Variants in PPP2R2C observed in about 807,000 individuals in gnomAD.
The protein encoded by PPP2R2C is protein phosphatase 2 regulatory subunit Bgamma.
In PPP2R2C, 10 loss-of-function variants were observed where a neutral mutation model predicts 45.3. The ratio of observed to expected loss-of-function variants is 0.22; its 90% confidence interval spans 0.14 to 0.37. PPP2R2C has a LOEUF of 0.37. Ranked by LOEUF, PPP2R2C falls within the 10% of genes least tolerant of loss-of-function variation. The probability of loss-of-function intolerance (pLI) is 1.00; values close to 1 mark genes in which losing one functional copy is unlikely to be tolerated. For missense variants in PPP2R2C, 308 were observed against 619.7 expected (o/e 0.50, Z 5.34); for synonymous variants, 257 against 245.4 (o/e 1.05, Z -0.44).
At chr4:6,398,682 G>C (rs566923224) in intron 1 of PPP2R2C, among the ~76,000 whole-genome samples, 2 of 152,332 alleles carry the variant, frequency 1.3e-5, no homozygotes, top group East Asian at 3.9e-4. Flanking sequence ...GTGGGAAACA[G>C]CAAGGCAGTT....
At chr4:6,355,417 TA>T (rs1298025492) in intron 5 of PPP2R2C, among the ~76,000 whole-genome samples, 3 of 152,076 alleles carry the variant, frequency 2.0e-5, no homozygotes, top group Non-Finnish European at 4.4e-5. Flanking sequence ...GACCTAATGC[TA>T]GATGACGAGT....
intron 6 of PPP2R2C, among the ~76,000 whole-genome samples, chr4:6,337,100 G>A (rs1356882811): frequency 6.3e-5 from 4 of 63,276 alleles, no homozygotes; most frequent in African/African-American, 2.7e-4. Context: ...CTTTGTTTCT[G>A]TATGTGTGTG....
intron 1 of PPP2R2C, among the ~76,000 whole-genome samples, chr4:6,457,854 C>T (rs1270557604): frequency 1.3e-5 from 2 of 152,234 alleles, no homozygotes; most frequent in African/African-American, 2.4e-5. Context: ...CCTTTCTATG[C>T]TTTGCAGAAT....
In PPP2R2C at chr4:6,378,274, C is replaced by G; in HGVS notation, c.334+133G>C. 1 of 1,521,506 alleles carries G rather than the reference C, an allele frequency of 6.6e-7. No homozygotes were observed. Among genetic ancestry groups the G allele is most frequent in the Non-Finnish European group, 8.8e-7 (1 of 1,136,364 alleles). The allele number at this position is 1,521,506 out of a possible 1,614,324, so 94.3% of individuals were successfully genotyped here. A position where few individuals can be genotyped will look rare whatever the true frequency, so the allele number is the denominator to read the frequency against. On this transcript the variant is annotated intron_variant, in intron 3 of 8. Coordinates refer to ENST00000382599, the MANE Select transcript of PPP2R2C (RefSeq NM_020416.4). The surrounding 1 kb of genome is among the most constrained non-coding windows in gnomAD (Gnocchi z 5.2). ...TCACTCATGGGATTTATATGCTGCT[C>G]AAAAAGGATATTATTTTCTAGGCGT...
intron 1 of PPP2R2C, among the ~76,000 whole-genome samples, chr4:6,540,105 A>C (rs1724761906): frequency 6.6e-6 from 1 of 152,192 alleles, no homozygotes; most frequent in Non-Finnish European, 1.5e-5. Context: ...TACTTTTATA[A>C]AGTGTACAAT....
rs946708086 is a variant in PPP2R2C, at chr4:6,378,889, C to T, written c.169-317G>A. Among the ~76,000 whole-genome samples the T allele has an allele frequency of 6.6e-6, 1 of 151,718 alleles. No homozygotes were observed. The highest frequency in any genetic ancestry group is 2.4e-5 in the African/African-American group (1 of 41,280). ...TCCCCGCACCATCGCATTCTACCCTCCAGGCCTCCTCTGCTTGAGCACCAC... is the reference window on the plus strand; with the variant it reads ...TCCCCGCACCATCGCATTCTACCCTTCAGGCCTCCTCTGCTTGAGCACCAC... On this transcript the variant is annotated intron_variant, in intron 2 of 8. Coordinates refer to ENST00000382599, the MANE Select transcript of PPP2R2C (RefSeq NM_020416.4). This position sits in a 1 kb window ranked among gnomAD's most constrained non-coding sequence, Gnocchi z 5.2.
intron 1 of PPP2R2C, among the ~76,000 whole-genome samples, chr4:6,462,076 G>C (rs1019230661): frequency 2.0e-5 from 3 of 152,206 alleles, no homozygotes; most frequent in African/African-American, 7.2e-5. Flanking sequence ...AGGGAGTGGC[G>C]AGGGCACCAC....
At chr4:6,394,873 C>T (rs897557605) in intron 1 of PPP2R2C, among the ~76,000 whole-genome samples, 4 of 152,240 alleles carry the variant, frequency 2.6e-5, no homozygotes, top group African/African-American at 9.6e-5. Flanking sequence ...GCGTGTCCAT[C>T]AGCCCCCTTC....
intron 2 of PPP2R2C, among the ~76,000 whole-genome samples, chr4:6,487,492 C>A (rs947026938): frequency 2.6e-5 from 4 of 151,836 alleles, no homozygotes; most frequent in South Asian, 2.1e-4. Context: ...AGTTTGACTA[C>A]TTTTTTTTAA....
At chr4:6,437,510 C>G (rs1276111171) in intron 1 of PPP2R2C, among the ~76,000 whole-genome samples, 1 of 152,186 alleles carries the variant, frequency 6.6e-6, no homozygotes, top group African/African-American at 2.4e-5. Flanking sequence ...GAGCTCTTAT[C>G]AAATGTCACC....
chr4:6,464,087 C>T (rs963999287), intron 1 of PPP2R2C, among the ~76,000 whole-genome samples: 2 of 152,198 alleles, frequency 1.3e-5, no homozygotes, highest in African/African-American at 4.8e-5. Context: ...ACAAGCACCT[C>T]AGCCTCAGTT....
At chr4:6,339,169 A>AC (rs1733245103) in intron 6 of PPP2R2C, among the ~76,000 whole-genome samples, 1 of 152,134 alleles carries the variant, frequency 6.6e-6, no homozygotes, top group Non-Finnish European at 1.5e-5. Flanking sequence ...TCCTGTGCTT[A>AC]CCCTCTGCTG....
chr4:6,561,788 T>C (rs1725586032), intron 1 of PPP2R2C, among the ~76,000 whole-genome samples: 1 of 152,136 alleles, frequency 6.6e-6, no homozygotes, highest in Admixed American at 6.5e-5. Flanking sequence ...CCGTGACCCA[T>C]TGCCAGCCGC....
chr4:6,413,862 G>T, intron 1 of PPP2R2C: 1 of 1,535,846 alleles, frequency 6.5e-7, no homozygotes, highest in South Asian at 1.2e-5. Context: ...CCACGATGGG[G>T]ACCCTCCCAA....
chr4:6,404,262 G>T lies in PPP2R2C; in HGVS notation c.71-23168C>A, dbSNP rs541789904. On this transcript the variant is annotated intron_variant, in intron 1 of 8. Coordinates refer to ENST00000382599, the MANE Select transcript of PPP2R2C (RefSeq NM_020416.4). ...CAAGTTCCCCAAAGCCCGGCTGAAG[G>T]TGCCTTGATGTCCCTGAAGTGCAAG... Among the ~76,000 whole-genome samples, 7 of 152,298 alleles carry T rather than the reference G, an allele frequency of 4.6e-5. No homozygotes were observed. The South Asian group carries it at 1.5e-3, about 32-fold the overall frequency.
intron 1 of PPP2R2C, among the ~76,000 whole-genome samples, chr4:6,410,271 A>G (rs1718075682): frequency 6.6e-6 from 1 of 152,156 alleles, no homozygotes; most frequent in African/African-American, 2.4e-5. Flanking sequence ...CACAGAGCCT[A>G]ATGAAGCGTC....
At chr4:6,412,458 C>T (rs1665568928) in intron 1 of PPP2R2C, among the ~76,000 whole-genome samples, 1 of 152,142 alleles carries the variant, frequency 6.6e-6, no homozygotes, top group African/African-American at 2.4e-5. Context: ...ATTTCTATCT[C>T]CCTGACACAC....
chr4:6,495,428 C>T (rs1722850072), intron 2 of PPP2R2C, among the ~76,000 whole-genome samples: 1 of 152,208 alleles, frequency 6.6e-6, no homozygotes, highest in South Asian at 2.1e-4. Context: ...ACCTGGCATG[C>T]AGAGGGGCTC....
chr4:6,519,913 A>AG (rs5855922), intron 2 of PPP2R2C, among the ~76,000 whole-genome samples: 77,689 of 151,906 alleles, frequency 0.51, 20,217 homozygotes, highest in Admixed American at 0.57. Flanking sequence ...TCAGGTAACC[A>AG]GAAGTCCTGG....
Sources: gnomAD v4.1 joint callset for allele counts (sites outside exome capture counted in the v4.1 genomes callset) on GRCh38, gnomAD v4.1.1 for gene constraint, Gnocchi (gnomAD v3.1) non-coding constraint, MANE v1.5 for transcripts, NCBI Gene and HGNC (gene_info 2026-07-23, HGNC 2026-07-21) for gene names.